Variants in MYLK4 observed in about 807,000 individuals in gnomAD.
The protein encoded by MYLK4 is caMLCK like.
MYLK4 carries 46 observed loss-of-function variants against 48.1 expected under a neutral mutation model. The observed-to-expected ratio is 0.96, with a 90% CI of 0.75 to 1.22. MYLK4 has a LOEUF of 1.22. Among genes scored for constraint, MYLK4 ranks in the 50% most tolerant of loss-of-function variants. The pLI, the probability that MYLK4 is intolerant of heterozygous loss-of-function variation, is 0.00. For synonymous variants in MYLK4, 170 were observed against 180.8 expected (o/e 0.94, Z 0.48); for missense variants, 451 against 486.1 (o/e 0.93, Z 0.68).
chr6:2,681,322 A>T (rs748100706), intron 7 of MYLK4, among the ~76,000 whole-genome samples: 1 of 152,212 alleles, frequency 6.6e-6, no homozygotes, highest in Non-Finnish European at 1.5e-5. Flanking sequence ...TCAATATTCA[A>T]TAGTACATTT....
the MYLK4 span, among the ~76,000 whole-genome samples, chr6:2,763,856 AAAG>A: frequency 3.9e-5 from 6 of 151,968 alleles, no homozygotes; most frequent in Non-Finnish European, 5.9e-5. Context: ...ATGAAAAAAA[AAAG>A]CTCACGGTCG....
the MYLK4 span, among the ~76,000 whole-genome samples, chr6:2,765,186 C>CT: frequency 9.8e-6 from 1 of 102,360 alleles, no homozygotes; most frequent in African/African-American, 3.2e-5. Flanking sequence ...CTCGCAACCC[C>CT]CCCCCCCGCC....
chr6:2,760,065 T>C, the MYLK4 span, among the ~76,000 whole-genome samples: 1 of 152,228 alleles, frequency 6.6e-6, no homozygotes, highest in Non-Finnish European at 1.5e-5. Flanking sequence ...TAGCTATTTA[T>C]ATAGCATTTA....
chr6:2,744,902 G>C (rs1018048274), intron 2 of MYLK4, among the ~76,000 whole-genome samples: 1 of 152,194 alleles, frequency 6.6e-6, no homozygotes, highest in African/African-American at 2.4e-5. Context: ...ATTTGCTTAG[G>C]GGTCTTCCAG....
chr6:2,710,964 A>C (rs1170634385), intron 2 of MYLK4, among the ~76,000 whole-genome samples: 11 of 152,214 alleles, frequency 7.2e-5, no homozygotes, highest in Non-Finnish European at 1.2e-4. Flanking sequence ...TTTCAAGTTT[A>C]TTCCTTATAA....
At chr6:2,770,062 G>A in the MYLK4 span, 2 of 1,607,086 alleles carry the variant, frequency 1.2e-6, no homozygotes. Context: ...ACTTACATAG[G>A]ATTCTGCAGG....
intron 2 of MYLK4, among the ~76,000 whole-genome samples, chr6:2,693,107 C>G (rs1761879148): frequency 6.6e-6 from 1 of 152,144 alleles, no homozygotes. Flanking sequence ...AGGCTGAAAA[C>G]TACTATATTA....
intron 2 of MYLK4, among the ~76,000 whole-genome samples, chr6:2,697,859 A>G (rs1224059411): frequency 2.6e-5 from 4 of 152,198 alleles, no homozygotes; most frequent in African/African-American, 9.7e-5. Flanking sequence ...AACAGAGGGT[A>G]AAGTTCTGAA....
At chr6:2,745,056 A>G (rs73354504) in intron 2 of MYLK4, among the ~76,000 whole-genome samples, 7,200 of 152,208 alleles carry the variant, frequency 0.047, 545 homozygotes, top group African/African-American at 0.16. Flanking sequence ...GGGAAAACCA[A>G]CGGAGGAGGA....
rs558925520 is a variant in MYLK4, at chr6:2,745,146, C to T, written c.159+3990G>A. On this transcript the variant is annotated intron_variant, in intron 2 of 12. Coordinates refer to ENST00000274643, the MANE Select transcript of MYLK4 (RefSeq NM_001012418.5). ...GGAAAGCAGTGAGAAGCACGCAGGG[C>T]CGAATGGTTGGCTGAGAATATCACC... 6.6e-5 allele frequency among the ~76,000 whole-genome samples: 10 copies of T among 152,170 alleles called. No individual in the cohort carries two copies. In the East Asian group the frequency reaches 1.2e-3, roughly 18 times the overall value.
intron 12 of MYLK4, 120 bp downstream of exon 12, chr6:2,671,156 C>CCA: frequency 1.5e-6 from 1 of 685,658 alleles, no homozygotes; most frequent in East Asian, 2.8e-5. Context: ...TCAGGGCCCT[C>CCA]CACGCCAGCC....
chr6:2,765,337 A>G, the MYLK4 span: 2 of 262,870 alleles, frequency 7.6e-6, no homozygotes, highest in Non-Finnish European at 1.4e-5. Flanking sequence ...CACGGACTAC[A>G]CTTACTTACA....
chr6:2,667,293 A>G lies in MYLK4; in HGVS notation c.*632T>C, dbSNP rs1249654475. On this transcript the variant is annotated 3_prime_UTR_variant, in exon 13 of 13. Coordinates refer to ENST00000274643, the MANE Select transcript of MYLK4 (RefSeq NM_001012418.5). ...GCTGGGGACAATTCAGAATAAATGA[A>G]AGACACAGTGGCTGATGCCTCTTGT... The G allele has an allele frequency of 6.6e-6, 1 of 152,232 alleles. No individual in the cohort carries two copies. Among genetic ancestry groups the G allele is most frequent in the Non-Finnish European group, 1.5e-5 (1 of 68,044 alleles). The allele number at this position is 152,232 out of a possible 1,614,324, so 9.4% of individuals were successfully genotyped here.
chr6:2,740,992 C>T (rs371788431), intron 2 of MYLK4, among the ~76,000 whole-genome samples: 23 of 152,262 alleles, frequency 1.5e-4, no homozygotes, highest in South Asian at 6.2e-4. Context: ...AGTAACAAAC[C>T]GTTTTTAAAA....
intron 2 of MYLK4, among the ~76,000 whole-genome samples, chr6:2,728,316 C>T (rs987703329): frequency 6.6e-6 from 1 of 152,128 alleles, no homozygotes; most frequent in African/African-American, 2.4e-5. Context: ...TTACTGTTTT[C>T]TACAGAATGA....
chr6:2,683,534 C>T (rs1413127545), intron 6 of MYLK4, among the ~76,000 whole-genome samples: 2 of 152,024 alleles, frequency 1.3e-5, no homozygotes, highest in Non-Finnish European at 2.9e-5. Flanking sequence ...ATTCTCATGC[C>T]TCAGTCTCCC....
intron 8 of MYLK4, 44 bp downstream of exon 8, chr6:2,680,177 T>C (rs1355789833): frequency 1.2e-6 from 2 of 1,600,092 alleles, no homozygotes; most frequent in Admixed American, 1.7e-5. Context: ...GCAACCATCA[T>C]GTCCCCCAGC....
intron 2 of MYLK4, among the ~76,000 whole-genome samples, chr6:2,747,063 G>T (rs1764118994): frequency 6.6e-6 from 1 of 152,178 alleles, no homozygotes; most frequent in Non-Finnish European, 1.5e-5. Flanking sequence ...TTACAAGTAA[G>T]AAATTGAATG....
chr6:2,761,351 G>A, the MYLK4 span, among the ~76,000 whole-genome samples: 19 of 152,168 alleles, frequency 1.2e-4, no homozygotes, highest in African/African-American at 4.1e-4. Flanking sequence ...TATACTATAC[G>A]AGTTTAAATT....
Sources: gnomAD v4.1 joint callset for allele counts (sites outside exome capture counted in the v4.1 genomes callset) on GRCh38, gnomAD v4.1.1 for gene constraint, MANE v1.5 for transcripts, NCBI Gene and HGNC (gene_info 2026-07-23, HGNC 2026-07-21) for gene names.